IQSEC3: variants seen among roughly 807,000 people sequenced by gnomAD.
IQSEC3 encodes the protein IQ motif and SEC7 domain-containing protein 3.
IQSEC3 carries 50 observed loss-of-function variants against 105.4 expected under a neutral mutation model. That is an observed-to-expected ratio of 0.47 (90% confidence interval 0.38 to 0.60). The LOEUF is 0.60. Among genes scored for constraint, IQSEC3 ranks in the 20% least tolerant of loss-of-function variants. IQSEC3 has a pLI of 0.00. For synonymous variants in IQSEC3, 708 were observed against 746.0 expected (o/e 0.95, Z 0.83); for missense variants, 1,415 against 1,630.0 (o/e 0.87, Z 2.27).
At chr12:121,466 A>G (rs893420904) in intron 2 of IQSEC3, among the ~76,000 whole-genome samples, 9 of 152,164 alleles carry the variant, frequency 5.9e-5, no homozygotes, top group Admixed American at 6.5e-5. Flanking sequence ...CAAAGCACCA[A>G]AGCTCAAATC....
chr12:157,100 T>C lies in IQSEC3; in HGVS notation c.2229T>C (p.Arg743=), dbSNP rs76437618. 0.015 allele frequency: 24,381 copies of C among 1,602,778 alleles called. 1,296 individuals carry two copies. The African/African-American group carries it at 0.17, about 11-fold the overall frequency. Residue 743 remains arginine, a synonymous_variant, in exon 6 of 14, where the codon CGT becomes CGC. Coordinates refer to ENST00000538872, the MANE Select transcript of IQSEC3 (RefSeq NM_001170738.2). The part of the protein sequence containing the change: ...EALRKFQAHI[R]VQGEAQKVER... ...TGCGCAAGTTCCAGGCACACATCCG[T>C]GTGCAGGGGGAGGCTCAGAAGGTGG...
chr12:97,787 A>AGC (rs1413872605), intron 1 of IQSEC3, among the ~76,000 whole-genome samples: 52 of 152,332 alleles, frequency 3.4e-4, no homozygotes, highest in African/African-American at 1.2e-3. Context: ...AACACAGCAA[A>AGC]GCCCTGTCTC....
At position 138,615 on chromosome 12, in the gene IQSEC3, A is replaced by C. The variant is rs781923470; in HGVS notation, c.1252A>C (p.Ser418Arg). The change falls in exon 4 of 14, where the codon AGC becomes CGC. Residue 418 changes from serine (S) to arginine (R), a missense_variant. By Grantham distance (110) the Ser-to-Arg change is moderately radical. Transcript: ENST00000538872. The surrounding 1 kb of genome is among the most constrained non-coding windows in gnomAD (Gnocchi z 7.1). ...SLAKSIDDAL[S>R]TWSLKTMCSL... ...GGCCAAGTCCATCGACGACGCGCTCAGCACGTGGAGCCTCAAGACCATGTG... is the reference window on the plus strand; with the variant it reads ...GGCCAAGTCCATCGACGACGCGCTCCGCACGTGGAGCCTCAAGACCATGTG... 1 of 1,588,238 alleles carries C rather than the reference A, an allele frequency of 6.3e-7. No individual in the cohort carries two copies. Among genetic ancestry groups the C allele is most frequent in the Non-Finnish European group, 8.5e-7 (1 of 1,174,908 alleles).
intron 1 of IQSEC3, among the ~76,000 whole-genome samples, chr12:84,751 A>G (rs1316240293): frequency 1.3e-5 from 2 of 152,194 alleles, no homozygotes; most frequent in Non-Finnish European, 2.9e-5. Flanking sequence ...CATGTGATTG[A>G]GGTACCTGAG....
intron 3 of IQSEC3, among the ~76,000 whole-genome samples, chr12:137,058 C>T (rs1400340908): frequency 6.7e-6 from 1 of 150,302 alleles, no homozygotes; most frequent in African/African-American, 2.4e-5. Context: ...CCCAGCCCTG[C>T]CCTGGTTGGA....
intron 1 of IQSEC3, among the ~76,000 whole-genome samples, chr12:85,001 G>T (rs782514843): frequency 1.3e-5 from 2 of 152,144 alleles, no homozygotes; most frequent in Admixed American, 1.3e-4. Context: ...TCGGGAGGTC[G>T]TCAAACCTCC....
intron 11 of IQSEC3, among the ~76,000 whole-genome samples, chr12:168,491 T>C (rs1379449597): frequency 1.3e-5 from 2 of 152,212 alleles, no homozygotes; most frequent in Non-Finnish European, 2.9e-5. Context: ...TTTCACACAA[T>C]GTAACAAAAC....
Position 156,146 on chromosome 12 carries a change from T to C in IQSEC3, c.2154-879T>C, listed in dbSNP as rs558334078. ...AGGCGCCTGCTTAGCTGGGGGGAAC[T>C]GGCATGTGACCCCACACCCCCACCC... On this transcript the variant is annotated intron_variant, in intron 5 of 13. Coordinates refer to ENST00000538872, the MANE Select transcript of IQSEC3 (RefSeq NM_001170738.2). 1.1e-3 allele frequency among the ~76,000 whole-genome samples: 167 copies of C among 152,186 alleles called. 1 individual carries two copies. The highest frequency in any genetic ancestry group is 3.9e-3 in the African/African-American group (163 of 41,540).
At chr12:145,027 TCTCA>T (rs1866204185) in intron 5 of IQSEC3, among the ~76,000 whole-genome samples, 1 of 152,166 alleles carries the variant, frequency 6.6e-6, no homozygotes, top group South Asian at 2.1e-4. Context: ...GCGATGGGGG[TCTCA>T]CTGTGTTGCC....
At chr12:128,033 T>C (rs1268567562) in intron 3 of IQSEC3, among the ~76,000 whole-genome samples, 1 of 152,226 alleles carries the variant, frequency 6.6e-6, no homozygotes, top group Non-Finnish European at 1.5e-5. Context: ...TGTCTGGGAC[T>C]TCACAGGCTC....
chr12:133,031 G>T (rs562617102), intron 3 of IQSEC3, among the ~76,000 whole-genome samples: 3 of 152,218 alleles, frequency 2.0e-5, no homozygotes, highest in Non-Finnish European at 4.4e-5. Flanking sequence ...GGGATCTGGG[G>T]CTGGCCATTC....
Position 165,844 on chromosome 12 carries a change from G to A in IQSEC3, c.2925G>A (p.Lys975=), listed in dbSNP as rs1555098250. The A allele has an allele frequency of 2.5e-6, 4 of 1,614,118 alleles. No homozygotes were observed. The highest frequency in any genetic ancestry group is 3.4e-6 in the Non-Finnish European group (4 of 1,180,030). ...DEMQKFVEDL[K]ESIAEVTELE... is the part of the protein sequence containing the mutation. ...TGCAGAAGTTCGTGGAGGACCTGAAGGAGTCCATTGCTGAGGTGACGGAGC... is the reference window on the plus strand; with the variant it reads ...TGCAGAAGTTCGTGGAGGACCTGAAAGAGTCCATTGCTGAGGTGACGGAGC... Residue 975 remains lysine (K), a synonymous_variant, in exon 11 of 14, where the codon AAG becomes AAA. Transcript: ENST00000538872.
intron 3 of IQSEC3, among the ~76,000 whole-genome samples, chr12:137,133 G>A: frequency 6.6e-6 from 1 of 151,882 alleles, no homozygotes. Flanking sequence ...TGGCCTGGAG[G>A]GACCCCCATT....
chr12:172,550 G>A (rs1939062597), intron 13 of IQSEC3, among the ~76,000 whole-genome samples: 2 of 152,186 alleles, frequency 1.3e-5, no homozygotes, highest in Admixed American at 1.3e-4. Context: ...GGCCCTGCCA[G>A]CCTCTGCTCT....
chr12:111,572 C>T (rs924309029), intron 2 of IQSEC3: 9 of 152,182 alleles, frequency 5.9e-5, no homozygotes, highest in East Asian at 1.9e-4. Flanking sequence ...CCAAGACCTC[C>T]GAAAATGCAC....
chr12:96,895 C>T (rs1270160970), intron 1 of IQSEC3, among the ~76,000 whole-genome samples: 1 of 151,908 alleles, frequency 6.6e-6, no homozygotes, highest in Non-Finnish European at 1.5e-5. Context: ...TTTCCATAAA[C>T]GCTTCATAAT....
At chr12:161,587 G>T (rs370719455) in intron 7 of IQSEC3, among the ~76,000 whole-genome samples, 1 of 152,160 alleles carries the variant, frequency 6.6e-6, no homozygotes, top group Admixed American at 6.5e-5. Context: ...CAAGGAAGAC[G>T]ACAGAACTGC....
chr12:125,734 A>G lies in IQSEC3; in HGVS notation c.725A>G (p.Gln242Arg). 6.6e-7 allele frequency: 1 copy of G among 1,526,016 alleles called. No homozygotes were observed. Among genetic ancestry groups the G allele is most frequent in the Admixed American group, 2.0e-5 (1 of 49,190 alleles). 94.5% of individuals were successfully genotyped at this position (1,526,016 alleles called of 1,614,324 possible). ...GRPSAHAPKA[Q>R]AQELQEEEER... ...CCCAGTGCCCATGCCCCGAAGGCTC[A>G]AGCCCAGGAGCTGCAGGAGGAGGAG... Residue 242 changes from glutamine to arginine, a missense_variant, in exon 3 of 14, where the codon CAA (glutamine) becomes CGA (arginine). By Grantham distance (43) the Gln-to-Arg change is conservative. This residue lies in a region of IQSEC3 where 720 missense variants were observed against 633.0 expected (regional missense o/e 1.14). Transcript: ENST00000538872.
chr12:70,581 A>T (rs1369107131), intron 1 of IQSEC3, among the ~76,000 whole-genome samples: 1 of 152,268 alleles, frequency 6.6e-6, no homozygotes, highest in Non-Finnish European at 1.5e-5. Context: ...CACGGCATCT[A>T]CAGAATTTAT....
Sources: gnomAD v4.1 joint callset for allele counts (sites outside exome capture counted in the v4.1 genomes callset) on GRCh38, gnomAD v4.1.1 for gene constraint, gnomAD v4.1.1 regional missense constraint, Gnocchi (gnomAD v3.1) non-coding constraint, MANE v1.5 for transcripts, NCBI Gene and HGNC (gene_info 2026-07-23, HGNC 2026-07-21) for gene names.